SEC31A: variants seen among roughly 807,000 people sequenced by gnomAD.
The protein encoded by SEC31A is protein transport protein Sec31A.
A neutral mutation model predicts 151.0 loss-of-function variants in SEC31A; 70 were observed. That is an observed-to-expected ratio of 0.46 (90% CI 0.38 to 0.57). The LOEUF (loss-of-function observed/expected upper bound fraction) is 0.57, where lower values mean the gene tolerates loss of function less well. Among genes scored for constraint, SEC31A ranks in the 20% least tolerant of loss-of-function variants. The pLI, the probability that SEC31A is intolerant of heterozygous loss-of-function variation, is 0.00. For missense variants in SEC31A, 1,330 were observed against 1,471.2 expected (o/e 0.90, Z 1.57); for synonymous variants, 475 against 505.9 (o/e 0.94, Z 0.82).
intron 22 of SEC31A, among the ~76,000 whole-genome samples, chr4:82,830,124 A>G (rs1560587073): frequency 1.3e-5 from 2 of 152,260 alleles, no homozygotes; most frequent in Non-Finnish European, 2.9e-5. Context: ...ACTTTAAAAA[A>G]TACAGATCTT....
chr4:82,831,124 T>C (rs989223708), intron 22 of SEC31A: 15 of 172,966 alleles, frequency 8.7e-5, no homozygotes, highest in Non-Finnish European at 1.8e-4. Flanking sequence ...TTTAATCAAG[T>C]CATGTGAAAT....
intron 8 of SEC31A, among the ~76,000 whole-genome samples, chr4:82,867,639 T>C (rs977586500): frequency 6.6e-6 from 1 of 152,122 alleles, no homozygotes; most frequent in African/African-American, 2.4e-5. Context: ...CAACTTTTTT[T>C]TTTCTTTTTT....
At chr4:82,899,672 C>G (rs1036193752) in intron 3 of SEC31A, 2 of 152,580 alleles carry the variant, frequency 1.3e-5, no homozygotes, top group African/African-American at 4.8e-5. Flanking sequence ...AGAGAAGATA[C>G]AAGCATATTA....
rs1222921731 is a variant in SEC31A at position 82,824,540 on chromosome 4, A to T, written c.3411+15T>A. 4 of 1,606,006 alleles carry T rather than the reference A, an allele frequency of 2.5e-6. No individual in the cohort carries two copies. Among genetic ancestry groups the T allele is most frequent in the Non-Finnish European group, 3.4e-6 (4 of 1,177,842 alleles). On this transcript the variant is annotated intron_variant, in intron 25 of 26. Transcript: ENST00000395310. ...CTAATTAAGCAAAATATGATTTAAAAAAATAAATACATACAGGGTCTGTTG... is the reference window on the plus strand; with the variant it reads ...CTAATTAAGCAAAATATGATTTAAATAAATAAATACATACAGGGTCTGTTG...
intron 25 of SEC31A, among the ~76,000 whole-genome samples, chr4:82,824,329 G>A (rs11726118): frequency 0.28 from 42,093 of 151,858 alleles, 6,879 homozygotes; most frequent in East Asian, 0.49. Context: ...TTAGCCTCTC[G>A]AGTAGCTGGG....
intron 16 of SEC31A, among the ~76,000 whole-genome samples, 182 bp from the exon 17 acceptor site, chr4:82,855,211 A>C (rs1312152583): frequency 1.4e-4 from 22 of 152,232 alleles, no homozygotes; most frequent in Admixed American, 1.4e-3. Context: ...CAACAACAAA[A>C]ACAACTGACA....
intron 26 of SEC31A, 77 bp from the exon 27 acceptor site, chr4:82,819,330 C>A: frequency 9.5e-7 from 1 of 1,050,020 alleles, no homozygotes; most frequent in Non-Finnish European, 1.3e-6. Flanking sequence ...AACATTAAAC[C>A]CAGATATTTA....
chr4:82,860,617 C>T lies in SEC31A; in HGVS notation c.1626+1014G>A, dbSNP rs1733901513. Among the ~76,000 whole-genome samples the T allele has an allele frequency of 4.0e-5, 6 of 151,634 alleles. No homozygotes were observed. In the Admixed American group the frequency reaches 4.0e-4, roughly 10 times the overall value. On this transcript the variant is annotated intron_variant, in intron 14 of 26. Transcript: ENST00000395310. ...CCTCCCAAATAGCTAGGACTACAGG[C>T]ATGTGCCACCACGCCTGGCTAATTT... is the stretch of plus-strand genomic sequence containing the variant.
At chr4:82,863,184 G>A (rs7666917) in intron 12 of SEC31A, 134 bp downstream of exon 12, 597,566 of 598,142 alleles carry the variant, frequency 1, 298,495 homozygotes, top group Non-Finnish European at 1. Context: ...AAGAAAAAGG[G>A]AAAAAACGCT....
chr4:82,871,682 C>T (rs1347286026), intron 7 of SEC31A: 1 of 525,818 alleles, frequency 1.9e-6, no homozygotes, highest in African/African-American at 1.9e-5. Flanking sequence ...TTTTATAAAA[C>T]TATAAAAATT....
In SEC31A at chr4:82,821,062, A is replaced by G; in HGVS notation, c.3458T>C (p.Leu1153Pro). The G allele has an allele frequency of 6.2e-7, 1 of 1,614,046 alleles. No individual in the cohort carries two copies. Among genetic ancestry groups the G allele is most frequent in the Non-Finnish European group, 8.5e-7 (1 of 1,179,908 alleles). ...LDDASKRLEFLYDKLREQTLS... is the reference protein window; with the variant it reads ...LDDASKRLEFPYDKLREQTLS... ...TGTCTGTTCCCTAAGTTTATCATACAGAAACTCCAAACGTTTGCTGGCATC... is the reference window on the plus strand; with the variant it reads ...TGTCTGTTCCCTAAGTTTATCATACGGAAACTCCAAACGTTTGCTGGCATC... Residue 1153 changes from leucine to proline, a missense_variant, in exon 26 of 27, where the codon CTG becomes CCG. Leu to Pro is a moderately conservative substitution (Grantham distance 98). Coordinates refer to ENST00000395310, the MANE Select transcript of SEC31A (RefSeq NM_001077207.4).
At position 82,866,946 on chromosome 4, in the gene SEC31A, A is replaced by G. The variant is rs1483755294; in HGVS notation, c.1059T>C (p.Phe353=). Residue 353 remains phenylalanine, a synonymous_variant, in exon 10 of 27, where the codon TTT becomes TTC. Transcript: ENST00000395310. Reference sequence around the variant, plus strand: ...CTGTGCCAAAGGGATCAAGATTCCCAAAAGATGATGAAAGCTAAAAAAGAT... The same window carrying G: ...CTGTGCCAAAGGGATCAAGATTCCCGAAAGATGATGAAAGCTAAAAAAGAT... ...QKQVDKLSSS[F]GNLDPFGTGQ... is the part of the protein sequence containing the mutation. 1 of 1,609,078 alleles carries G rather than the reference A, an allele frequency of 6.2e-7. No individual in the cohort carries two copies. Among genetic ancestry groups the G allele is most frequent in the East Asian group, 2.2e-5 (1 of 44,886 alleles).
intron 10 of SEC31A, among the ~76,000 whole-genome samples, chr4:82,865,579 T>C (rs1013744104): frequency 4.0e-5 from 4 of 100,136 alleles, no homozygotes; most frequent in South Asian, 3.0e-4. Context: ...TATATATATA[T>C]ATATACAATG....
chr4:82,862,638 A>C (rs1255421965), intron 12 of SEC31A, 66 bp from the exon 13 acceptor site: 3 of 1,390,920 alleles, frequency 2.2e-6, no homozygotes, highest in African/African-American at 2.9e-5. Flanking sequence ...GCAAATGTTC[A>C]CCTCTTGCTT....
intron 19 of SEC31A, among the ~76,000 whole-genome samples, chr4:82,850,409 A>G (rs1560615344): frequency 6.6e-6 from 1 of 152,200 alleles, no homozygotes; most frequent in Non-Finnish European, 1.5e-5. Flanking sequence ...CTTACAGCTA[A>G]GTGTATACAA....
chr4:82,840,450 G>A (rs931554015), intron 22 of SEC31A, among the ~76,000 whole-genome samples: 5 of 152,054 alleles, frequency 3.3e-5, no homozygotes, highest in African/African-American at 9.7e-5. Flanking sequence ...TCAAACTATT[G>A]ATGTATCTGT....
chr4:82,890,725 C>A, intron 1 of SEC31A: 1 of 1,095,334 alleles, frequency 9.1e-7, no homozygotes, highest in Non-Finnish European at 1.1e-6. Context: ...GATTTTTTTT[C>A]CTCTCCTCAC....
chr4:82,850,977 A>C lies in SEC31A; in HGVS notation c.2328+454T>G, dbSNP rs187044830. Among the ~76,000 whole-genome samples the C allele has an allele frequency of 3.6e-3, 549 of 152,362 alleles. 1 individual carries two copies. Among genetic ancestry groups the C allele is most frequent in the African/African-American group, 0.013 (522 of 41,586 alleles). On this transcript the variant is annotated intron_variant, in intron 19 of 26. Coordinates refer to ENST00000395310, the MANE Select transcript of SEC31A (RefSeq NM_001077207.4). Reference sequence around the variant, plus strand: ...CATAAAAATATACTTGCCCACAGACAGTATCAAACTAAAATGGCATACAGA... The same window carrying C: ...CATAAAAATATACTTGCCCACAGACCGTATCAAACTAAAATGGCATACAGA...
intron 3 of SEC31A, among the ~76,000 whole-genome samples, chr4:82,897,037 C>T (rs1205925813): frequency 6.6e-6 from 1 of 152,102 alleles, no homozygotes; most frequent in African/African-American, 2.4e-5. Context: ...CTAATTCGTG[C>T]CTGAGATTTA....
Sources: allele counts gnomAD v4.1 joint callset (sites outside exome capture counted in the v4.1 genomes callset), GRCh38; gene constraint gnomAD v4.1.1; transcripts MANE v1.5; gene names NCBI Gene and HGNC (gene_info 2026-07-23, HGNC 2026-07-21).